ASPH: variants seen among roughly 807,000 people sequenced by gnomAD.
ASPH encodes the protein aspartate beta-hydroxylase, also known as aspartyl/asparaginyl beta-hydroxylase.
In ASPH, 100 loss-of-function variants were observed where a neutral mutation model predicts 118.4. That is an observed-to-expected ratio of 0.84 (90% CI 0.72 to 1.00). The LOEUF is 1.00. Among genes scored for constraint, ASPH ranks in the 50% least tolerant of loss-of-function variants. The probability of loss-of-function intolerance (pLI) is 0.00; values close to 1 mark genes in which losing one functional copy is unlikely to be tolerated. For synonymous variants in ASPH, 315 were observed against 325.6 expected (o/e 0.97, Z 0.35); for missense variants, 920 against 919.5 (o/e 1.00, Z -0.01).
At chr8:61,512,631 T>C (rs924672853) in intron 24 of ASPH, among the ~76,000 whole-genome samples, 2 of 152,220 alleles carry the variant, frequency 1.3e-5, no homozygotes, top group African/African-American at 4.8e-5. Context: ...AGGAAACATA[T>C]ATAAATGTCA....
Position 61,562,835 on chromosome 8 carries a change from A to C in ASPH, c.1346T>G (p.Leu449Arg). The C allele has an allele frequency of 6.2e-7, 1 of 1,612,990 alleles. No individual in the cohort carries two copies. Among genetic ancestry groups the C allele is most frequent in the Non-Finnish European group, 8.5e-7 (1 of 1,179,560 alleles). The change falls in exon 18 of 25, where the codon CTA becomes CGA. Residue 449 changes from leucine (L) to arginine (R), a missense_variant. Physicochemically the swap from Leu to Arg is moderately radical, Grantham distance 102. Coordinates refer to ENST00000379454, the MANE Select transcript of ASPH (RefSeq NM_004318.4). ...SLLTLQRLVQ[L>R]FPNDTSLKND... is the part of the protein sequence containing the mutation. ...TTTTAAGGAAGTATCATTGGGAAAT[A>C]GTTGAACTAATCTCTGCAGGGTAAG...
intron 13 of ASPH, chr8:61,624,582 A>T (rs1852063635): frequency 1.0e-6 from 1 of 983,366 alleles, no homozygotes; most frequent in Admixed American, 6.1e-5. Context: ...AATAGAAGAC[A>T]TTTACATTAT....
chr8:61,711,622 G>GCTTC (rs2151934973), intron 1 of ASPH, among the ~76,000 whole-genome samples: 1 of 150,178 alleles, frequency 6.7e-6, no homozygotes, highest in South Asian at 2.1e-4. Context: ...TCACTTTTCA[G>GCTTC]CAAAAAAACC....
At chr8:61,612,405 GCT>G (rs1588085588) in intron 14 of ASPH, among the ~76,000 whole-genome samples, 1 of 143,716 alleles carries the variant, frequency 7.0e-6, no homozygotes, top group Non-Finnish European at 1.5e-5. Flanking sequence ...CCAAAGTCTT[GCT>G]CTGTCACCCA....
chr8:61,534,040 C>T (rs1040074357), intron 21 of ASPH, among the ~76,000 whole-genome samples: 3 of 152,108 alleles, frequency 2.0e-5, no homozygotes, highest in Non-Finnish European at 1.5e-5. Flanking sequence ...CTCTGCCTCC[C>T]GGGATCAAGT....
intron 1 of ASPH, among the ~76,000 whole-genome samples, chr8:61,702,958 G>A (rs1283115112): frequency 3.3e-5 from 5 of 151,996 alleles, no homozygotes; most frequent in Admixed American, 3.3e-4. Flanking sequence ...GGATAGGAGA[G>A]GAGGAGAGGA....
intron 15 of ASPH, chr8:61,578,423 C>T (rs550562949): frequency 1.2e-6 from 2 of 1,603,026 alleles, no homozygotes; most frequent in Non-Finnish European, 8.5e-7. Context: ...CAGTCATGGT[C>T]AACCAGAGCC....
chr8:61,511,908 C>T lies in ASPH; in HGVS notation c.2126+5620G>A, dbSNP rs577050407. Among the ~76,000 whole-genome samples the T allele has an allele frequency of 7.2e-5, 11 of 152,240 alleles. No homozygotes were observed. In the South Asian group the frequency reaches 1.2e-3, roughly 17 times the overall value. On this transcript the variant is annotated intron_variant, in intron 24 of 24. Transcript: ENST00000379454. Reference sequence around the variant, plus strand: ...TGTGAGCCACCACACCCGGCTCTAACGAGCTTATTTTACAGACCACAAAGC... The same window carrying T: ...TGTGAGCCACCACACCCGGCTCTAATGAGCTTATTTTACAGACCACAAAGC...
intron 10 of ASPH, among the ~76,000 whole-genome samples, chr8:61,642,594 A>G (rs903012913): frequency 3.3e-5 from 5 of 152,204 alleles, no homozygotes; most frequent in Admixed American, 1.3e-4. Flanking sequence ...GGCCGGGCGC[A>G]GTGGCTCATG....
intron 21 of ASPH, among the ~76,000 whole-genome samples, chr8:61,542,667 T>C (rs975211439): frequency 2.0e-5 from 3 of 152,222 alleles, no homozygotes; most frequent in Non-Finnish European, 4.4e-5. Context: ...CCTTTTATGT[T>C]TACCCACTAT....
Position 61,503,152 on chromosome 8 carries a change from C to T in ASPH, c.*207G>A, listed in dbSNP as rs1345079789. On this transcript the variant is annotated 3_prime_UTR_variant, in exon 25 of 25. Coordinates refer to ENST00000379454, the MANE Select transcript of ASPH (RefSeq NM_004318.4). ...GAAGACCAGTGCTGTCATGAGATGA[C>T]ACACAGCAGGGTGTTTCCTAAATGA... The T allele has an allele frequency of 6.8e-6, 3 of 442,316 alleles. No homozygotes were observed. Among genetic ancestry groups the T allele is most frequent in the African/African-American group, 4.1e-5 (2 of 49,224 alleles). 27.4% of individuals were successfully genotyped at this position (442,316 alleles called of 1,614,324 possible).
intron 1 of ASPH, among the ~76,000 whole-genome samples, chr8:61,691,719 T>C (rs1447543795): frequency 6.6e-6 from 1 of 152,222 alleles, no homozygotes; most frequent in African/African-American, 2.4e-5. Flanking sequence ...GGGGAAGTCA[T>C]CAAACTTCTA....
intron 18 of ASPH, among the ~76,000 whole-genome samples, chr8:61,560,959 C>A (rs1048198091): frequency 2.0e-5 from 3 of 149,630 alleles, no homozygotes; most frequent in Non-Finnish European, 4.4e-5. Context: ...AGGTAGGAAG[C>A]GAGAGAGGGA....
At chr8:61,636,137 AG>A (rs1269390141) in intron 12 of ASPH, among the ~76,000 whole-genome samples, 2 of 152,198 alleles carry the variant, frequency 1.3e-5, no homozygotes, top group African/African-American at 2.4e-5. Context: ...GTTTAAACAC[AG>A]GGCTGATACA....
intron 2 of ASPH, chr8:61,682,561 C>A: frequency 7.6e-7 from 1 of 1,315,342 alleles, no homozygotes; most frequent in South Asian, 1.2e-5. Flanking sequence ...TTTTAAGATA[C>A]ATTCCCTAAC....
intron 22 of ASPH, among the ~76,000 whole-genome samples, chr8:61,519,266 G>A (rs746915858): frequency 2.6e-5 from 4 of 151,912 alleles, no homozygotes; most frequent in Non-Finnish European, 5.9e-5. Context: ...CAATAGATTA[G>A]TACCTATATA....
chr8:61,682,539 T>TA (rs756176556), intron 2 of ASPH: 1 of 1,469,666 alleles, frequency 6.8e-7, no homozygotes, highest in Admixed American at 1.7e-5. Flanking sequence ...TACAAATACT[T>TA]AAAGTGTCCT....
intron 1 of ASPH, among the ~76,000 whole-genome samples, chr8:61,684,918 T>C (rs1050093397): frequency 9.9e-5 from 15 of 152,124 alleles, no homozygotes; most frequent in African/African-American, 3.1e-4. Flanking sequence ...TAAAAAGATA[T>C]ACAATATTCA....
intron 14 of ASPH, among the ~76,000 whole-genome samples, chr8:61,600,244 C>T (rs114995386): frequency 1.5e-3 from 233 of 152,220 alleles, no homozygotes; most frequent in African/African-American, 5.3e-3. Context: ...ATAATAAAGG[C>T]CATGTATGAC....
Sources: allele counts gnomAD v4.1 joint callset (sites outside exome capture counted in the v4.1 genomes callset), GRCh38; gene constraint gnomAD v4.1.1; transcripts MANE v1.5; gene names NCBI Gene and HGNC (gene_info 2026-07-23, HGNC 2026-07-21).